Variants in RAB3GAP1 observed in about 807,000 individuals in gnomAD.
RAB3GAP1 encodes the protein rab3 GTPase-activating protein catalytic subunit.
RAB3GAP1 carries 86 observed loss-of-function variants against 130.7 expected under a neutral mutation model. That is an observed-to-expected ratio of 0.66 (90% CI 0.55 to 0.79). RAB3GAP1 has a LOEUF of 0.79. Among genes scored for constraint, RAB3GAP1 ranks in the 30% least tolerant of loss-of-function variants. The pLI is 0.00. For missense variants in RAB3GAP1, 1,029 were observed against 1,169.4 expected, an observed-to-expected ratio of 0.88 and a Z score of 1.75; for synonymous variants, 367 against 401.7, an observed-to-expected ratio of 0.91 and a Z score of 1.03.
At chr2:135,056,330 G>A (rs984165303) in intron 2 of RAB3GAP1, among the ~76,000 whole-genome samples, 2 of 151,988 alleles carry the variant, frequency 1.3e-5, no homozygotes, top group African/African-American at 4.8e-5. Flanking sequence ...AGCCTCCTGA[G>A]TAGCTGGGAT....
chr2:135,106,123 G>A (rs185558726), intron 5 of RAB3GAP1, among the ~76,000 whole-genome samples: 5 of 151,518 alleles, frequency 3.3e-5, no homozygotes, highest in East Asian at 2.0e-4. Context: ...CCTGCCAGCC[G>A]CCCCGTCCAG....
intron 10 of RAB3GAP1, among the ~76,000 whole-genome samples, 156 bp downstream of exon 10, chr2:135,126,405 G>T (rs531703361): frequency 7.3e-4 from 111 of 152,144 alleles, no homozygotes; most frequent in African/African-American, 2.5e-3. Flanking sequence ...GATTTCTTAT[G>T]ATGTTATTTT....
At chr2:135,138,547 CTG>C (rs1691744795) in intron 17 of RAB3GAP1, among the ~76,000 whole-genome samples, 1 of 151,826 alleles carries the variant, frequency 6.6e-6, no homozygotes, top group African/African-American at 2.4e-5. Context: ...TTTCTTATAA[CTG>C]TTTCTCTGCA....
chr2:135,124,352 T>G, intron 9 of RAB3GAP1, 106 bp downstream of exon 9: 1 of 1,147,322 alleles, frequency 8.7e-7, no homozygotes, highest in Non-Finnish European at 1.3e-6. Flanking sequence ...CTGGGATGAA[T>G]GTAGTACTGG....
intron 17 of RAB3GAP1, chr2:135,137,212 G>A: frequency 1.2e-5 from 5 of 417,220 alleles, no homozygotes; most frequent in South Asian, 7.0e-5. Flanking sequence ...TACCTACGAT[G>A]GCTTTTTGTT....
At chr2:135,151,158 T>C (rs1048012369) in intron 18 of RAB3GAP1, among the ~76,000 whole-genome samples, 2 of 152,228 alleles carry the variant, frequency 1.3e-5, no homozygotes, top group Non-Finnish European at 2.9e-5. Flanking sequence ...GCTTAAAAAC[T>C]AGGAATGAAG....
In RAB3GAP1 at chr2:135,151,746, G is replaced by A. The variant is rs532887306; in HGVS notation, c.2061+1240G>A. Among the ~76,000 whole-genome samples, 8 of 152,342 alleles carry A rather than the reference G, an allele frequency of 5.3e-5. No homozygotes were observed. The South Asian group carries it at 1.7e-3, about 32-fold the overall frequency. On this transcript the variant is annotated intron_variant, in intron 18 of 23. Transcript: ENST00000264158. ...AAGGTAGAGAAGGGAATTGGCTTAA[G>A]GTGTGTGTGCACAGCAGGAAATACC...
intron 3 of RAB3GAP1, among the ~76,000 whole-genome samples, chr2:135,075,652 A>C (rs1226377311): frequency 7.5e-6 from 1 of 132,472 alleles, no homozygotes; most frequent in Non-Finnish European, 1.6e-5. Context: ...TTTTTTTTTA[A>C]ATTTTTTTTT....
Position 135,150,450 on chromosome 2 carries a change from C to T in RAB3GAP1, c.2005C>T (p.His669Tyr), listed in dbSNP as rs769545952. 7 of 1,614,164 alleles carry T rather than the reference C, an allele frequency of 4.3e-6. No homozygotes were observed. The highest frequency in any genetic ancestry group is 1.7e-4 in the Middle Eastern group (1 of 6,060). Residue 669 changes from histidine (H) to tyrosine (Y), a missense_variant, in exon 18 of 24, where the codon CAC becomes TAC. This residue lies in a region of RAB3GAP1 where 373 missense variants were observed against 493.6 expected (regional missense o/e 0.76). Coordinates refer to ENST00000264158, the MANE Select transcript of RAB3GAP1 (RefSeq NM_012233.3). ...AKLGTSAEGA[H>Y]LRARMQSACL... is the part of the protein sequence containing the mutation. ...ATTAGGTACATCGGCAGAGGGGGCTCACCTTCGAGCACGCATGCAGAGTGC... is the reference window on the plus strand; with the variant it reads ...ATTAGGTACATCGGCAGAGGGGGCTTACCTTCGAGCACGCATGCAGAGTGC...
chr2:135,136,842 C>A, intron 17 of RAB3GAP1: 1 of 444,690 alleles, frequency 2.2e-6, no homozygotes, highest in Non-Finnish European at 3.5e-6. Context: ...AGCCTGCAAG[C>A]CCCACACCAA....
At chr2:135,145,114 A>T (rs1424081912) in intron 17 of RAB3GAP1, among the ~76,000 whole-genome samples, 9 of 152,300 alleles carry the variant, frequency 5.9e-5, no homozygotes, top group African/African-American at 1.9e-4. Flanking sequence ...TATGGGGTAC[A>T]TATGCTATTT....
intron 4 of RAB3GAP1, among the ~76,000 whole-genome samples, chr2:135,091,523 T>A (rs978793685): frequency 6.6e-5 from 10 of 152,188 alleles, no homozygotes; most frequent in African/African-American, 2.4e-4. Flanking sequence ...CAAGTAAGTT[T>A]GGCTTTGAAG....
In RAB3GAP1 at chr2:135,130,518, A is replaced by T. The variant is rs1453465136; in HGVS notation, c.1067-34A>T. 1.9e-6 allele frequency: 3 copies of T among 1,559,316 alleles called. No homozygotes were observed. In the South Asian group the frequency reaches 3.4e-5, roughly 18 times the overall value. ...TCACTTTCACCTGCTGAGGTTGGTG[A>T]TATAATTTATATTTATTTCTGTTCT... On this transcript the variant is annotated intron_variant, in intron 12 of 23. Transcript: ENST00000264158.
intron 8 of RAB3GAP1, 143 bp from the exon 9 acceptor site, chr2:135,124,022 G>A: frequency 1.4e-6 from 1 of 690,396 alleles, no homozygotes; most frequent in South Asian, 1.7e-5. Flanking sequence ...GACTACATAT[G>A]CTGTAAGTTG....
chr2:135,142,011 A>G (rs1482570820), intron 17 of RAB3GAP1, among the ~76,000 whole-genome samples: 1 of 152,202 alleles, frequency 6.6e-6, no homozygotes, highest in Non-Finnish European at 1.5e-5. Flanking sequence ...ACATTATCTT[A>G]GCTATTCTAG....
At chr2:135,138,544 T>C (rs1397874230) in intron 17 of RAB3GAP1, among the ~76,000 whole-genome samples, 1 of 152,150 alleles carries the variant, frequency 6.6e-6, no homozygotes, top group Non-Finnish European at 1.5e-5. Flanking sequence ...ATATTTCTTA[T>C]AACTGTTTCT....
intron 3 of RAB3GAP1, among the ~76,000 whole-genome samples, chr2:135,075,105 TTAAG>T (rs1689593193): frequency 6.6e-6 from 1 of 152,220 alleles, no homozygotes; most frequent in Admixed American, 6.5e-5. Context: ...GTAAGAAAAG[TTAAG>T]TAAACACTTT....
At chr2:135,145,946 A>G (rs190489889) in intron 17 of RAB3GAP1, among the ~76,000 whole-genome samples, 5 of 152,286 alleles carry the variant, frequency 3.3e-5, no homozygotes, top group African/African-American at 1.2e-4. Context: ...TTAATAAAGT[A>G]CCAGGTATAG....
At chr2:135,110,774 A>G (rs1331112012) in intron 5 of RAB3GAP1, among the ~76,000 whole-genome samples, 1 of 152,246 alleles carries the variant, frequency 6.6e-6, no homozygotes, top group Admixed American at 6.5e-5. Context: ...GTACTGATCA[A>G]TAGGGGATTG....
Sources: gnomAD v4.1 joint callset for allele counts (sites outside exome capture counted in the v4.1 genomes callset) on GRCh38, gnomAD v4.1.1 for gene constraint, gnomAD v4.1.1 regional missense constraint, MANE v1.5 for transcripts, NCBI Gene and HGNC (gene_info 2026-07-23, HGNC 2026-07-21) for gene names.